Variants in SUMF1 observed in about 807,000 individuals in gnomAD.
SUMF1 encodes the protein sulfatase modifying factor 1, also known as formylglycine-generating enzyme.
SUMF1 carries 48 observed loss-of-function variants against 47.6 expected under a neutral mutation model. The ratio of observed to expected loss-of-function variants is 1.01; its 90% CI spans 0.80 to 1.28. The LOEUF (loss-of-function observed/expected upper bound fraction) is 1.28. SUMF1 is among the 50% of genes most tolerant of loss of function. The pLI is 0.00. For missense variants in SUMF1, 571 were observed against 485.4 expected, an observed-to-expected ratio of 1.18 and a Z score of -1.66; for synonymous variants, 230 against 192.1, an observed-to-expected ratio of 1.20 and a Z score of -1.63.
chr3:4,188,820 G>T (rs1268941455), intron 8 of SUMF1, among the ~76,000 whole-genome samples: 1 of 152,146 alleles, frequency 6.6e-6, no homozygotes, highest in African/African-American at 2.4e-5. Context: ...TTTGAATAGT[G>T]CCTTGTACAT....
intron 7 of SUMF1, among the ~76,000 whole-genome samples, chr3:4,409,469 C>T (rs1380543407): frequency 1.3e-5 from 2 of 152,174 alleles, no homozygotes; most frequent in Admixed American, 6.5e-5. Flanking sequence ...AGCTAACAAG[C>T]GCTCAGCTCC....
At chr3:4,112,695 T>C (rs1693335779) in intron 8 of SUMF1, among the ~76,000 whole-genome samples, 1 of 151,990 alleles carries the variant, frequency 6.6e-6, no homozygotes, top group African/African-American at 2.4e-5. Context: ...GCAAGGGAAA[T>C]GGTTAATGAG....
intron 7 of SUMF1, among the ~76,000 whole-genome samples, chr3:4,392,669 AGC>A (rs1235789925): frequency 6.7e-6 from 1 of 149,880 alleles, no homozygotes; most frequent in African/African-American, 2.5e-5. Flanking sequence ...AGAGAAAGAG[AGC>A]GAGAGAGAGA....
chr3:4,286,859 C>T (rs557143992), intron 8 of SUMF1, among the ~76,000 whole-genome samples: 7 of 152,146 alleles, frequency 4.6e-5, no homozygotes, highest in African/African-American at 1.7e-4. Flanking sequence ...ACAGAACTTG[C>T]AGAACAATGC....
chr3:4,137,513 C>T (rs1195168565), intron 8 of SUMF1, among the ~76,000 whole-genome samples: 1 of 152,080 alleles, frequency 6.6e-6, no homozygotes, highest in Non-Finnish European at 1.5e-5. Context: ...AGGAGATATA[C>T]CCAATGTAAA....
At chr3:4,393,975 T>A (rs1037312125) in intron 7 of SUMF1, among the ~76,000 whole-genome samples, 13 of 152,136 alleles carry the variant, frequency 8.5e-5, no homozygotes, top group Non-Finnish European at 1.8e-4. Context: ...TTTCTTAGGA[T>A]CCTGATTCTC....
intron 8 of SUMF1, among the ~76,000 whole-genome samples, chr3:4,240,387 G>C (rs1284106432): frequency 6.6e-6 from 1 of 152,012 alleles, no homozygotes; most frequent in Non-Finnish European, 1.5e-5. Flanking sequence ...AATCCATCTG[G>C]TCCTGGGCGT....
chr3:4,151,425 A>C (rs1376096871), intron 8 of SUMF1, among the ~76,000 whole-genome samples: 5 of 51,584 alleles, frequency 9.7e-5, no homozygotes, highest in Admixed American at 6.2e-4. Flanking sequence ...ATATATGTGT[A>C]TACATGTGTA....
chr3:4,429,935 G>C (rs1702182520), intron 3 of SUMF1, among the ~76,000 whole-genome samples: 1 of 152,204 alleles, frequency 6.6e-6, no homozygotes, highest in Non-Finnish European at 1.5e-5. Context: ...AAACTATGCA[G>C]GGAACATTTG....
At chr3:4,189,062 A>G (rs1695261284) in intron 8 of SUMF1, among the ~76,000 whole-genome samples, 1 of 152,134 alleles carries the variant, frequency 6.6e-6, no homozygotes, top group Non-Finnish European at 1.5e-5. Flanking sequence ...GGTCAAGTCA[A>G]TCAGTTCTGT....
At chr3:4,053,448 G>A (rs1191341084) in intron 9 of SUMF1, among the ~76,000 whole-genome samples, 1 of 152,066 alleles carries the variant, frequency 6.6e-6, no homozygotes. Flanking sequence ...TGGATAAATG[G>A]CACCAATAGC....
intron 8 of SUMF1, among the ~76,000 whole-genome samples, chr3:4,355,002 G>A (rs997770472): frequency 2.0e-5 from 3 of 152,188 alleles, no homozygotes; most frequent in Non-Finnish European, 4.4e-5. Context: ...GCAGGGATAT[G>A]ATCCCAGACA....
chr3:4,176,968 C>G (rs537788475), intron 8 of SUMF1, among the ~76,000 whole-genome samples: 5 of 152,244 alleles, frequency 3.3e-5, no homozygotes, highest in African/African-American at 4.8e-5. Flanking sequence ...GTAAAGGGAT[C>G]AATTCAACAA....
At chr3:4,350,027 G>C (rs544287086) in intron 8 of SUMF1, among the ~76,000 whole-genome samples, 3 of 147,618 alleles carry the variant, frequency 2.0e-5, no homozygotes, top group Admixed American at 6.8e-5. Context: ...CTGAGATGGA[G>C]TCTCGCTCTG....
chr3:4,046,256 A>G (rs978205086), intron 9 of SUMF1, among the ~76,000 whole-genome samples: 8 of 151,826 alleles, frequency 5.3e-5, no homozygotes, highest in African/African-American at 1.9e-4. Flanking sequence ...GAGTTGAATG[A>G]CTCTTAGGTT....
chr3:4,264,089 T>C (rs1399103036), intron 8 of SUMF1, among the ~76,000 whole-genome samples: 1 of 151,336 alleles, frequency 6.6e-6, no homozygotes, highest in Non-Finnish European at 1.5e-5. Flanking sequence ...TGATCCCTAC[T>C]AAGTAAGAAA....
At chr3:4,231,517 G>C (rs565186098) in intron 8 of SUMF1, among the ~76,000 whole-genome samples, 3 of 152,156 alleles carry the variant, frequency 2.0e-5, no homozygotes, top group Non-Finnish European at 4.4e-5. Flanking sequence ...TAATCTGTAA[G>C]AAATGAAACT....
At chr3:4,281,593 A>G (rs942124765) in intron 8 of SUMF1, among the ~76,000 whole-genome samples, 3 of 152,204 alleles carry the variant, frequency 2.0e-5, no homozygotes, top group African/African-American at 7.2e-5. Flanking sequence ...AAAATCTCAG[A>G]GAGATGTTTA....
intron 8 of SUMF1, among the ~76,000 whole-genome samples, chr3:4,074,024 AACAGAATAT>A (rs199728542): frequency 0.015 from 2,344 of 152,272 alleles, 65 homozygotes; most frequent in African/African-American, 0.054. Flanking sequence ...ACCCCAAATC[AACAGAATAT>A]ACATTCTTCT....
Sources: allele counts gnomAD v4.1 joint callset (sites outside exome capture counted in the v4.1 genomes callset), GRCh38; gene constraint gnomAD v4.1.1; transcripts MANE v1.5; gene names NCBI Gene and HGNC (gene_info 2026-07-23, HGNC 2026-07-21).